Variants in CACNA1H observed in about 807,000 individuals in gnomAD.
CACNA1H encodes the protein calcium voltage-gated channel subunit alpha1 H.
CACNA1H carries 149 observed loss-of-function variants against 192.5 expected under a neutral mutation model. The ratio of observed to expected loss-of-function variants is 0.77; its 90% CI spans 0.68 to 0.89. The LOEUF (loss-of-function observed/expected upper bound fraction) is 0.89, where lower values mean the gene tolerates loss of function less well. Among genes scored for constraint, CACNA1H ranks in the 40% least tolerant of loss-of-function variants. CACNA1H has a pLI of 0.00. For synonymous variants in CACNA1H, 2,202 were observed against 1,475.2 expected (o/e 1.49, Z -11.29); for missense variants, 4,257 against 3,423.5 (o/e 1.24, Z -6.08).
chr16:1,175,749 C>T (rs891628456), intron 2 of CACNA1H, among the ~76,000 whole-genome samples: 9 of 152,170 alleles, frequency 5.9e-5, no homozygotes, highest in East Asian at 1.9e-4. Context: ...TTGAGGGCTG[C>T]GTAGGAGTGT....
At chr16:1,206,330 C>T in intron 12 of CACNA1H, 41 bp downstream of exon 12, 1 of 1,530,434 alleles carries the variant, frequency 6.5e-7, no homozygotes, top group South Asian at 1.2e-5. Context: ...GTGTCTCACC[C>T]CAGGGCAGCT....
At position 1,153,973 on chromosome 16, in the gene CACNA1H, T is replaced by C. The variant is rs1961923442; in HGVS notation, c.236T>C (p.Val79Ala). 2.1e-6 allele frequency: 3 copies of C among 1,446,584 alleles called. No homozygotes were observed. The highest frequency in any genetic ancestry group is 2.7e-6 in the Non-Finnish European group (3 of 1,099,634). 89.6% of individuals were successfully genotyped at this position (1,446,584 alleles called of 1,614,324 possible). The change falls in exon 2 of 35, where the codon GTC (valine) becomes GCC (alanine). Residue 79 changes from valine to alanine, a missense_variant. Transcript: ENST00000348261. ...RVPYPALAAT[V>A]FFCLGQTTRP... is the part of the protein sequence containing the mutation. ...CCGTACCCGGCCTTGGCGGCCACGG[T>C]CTTCTTCTGCCTCGGTCAGACCACG...
intron 10 of CACNA1H, 57 bp downstream of exon 10, chr16:1,204,515 A>G (rs1320475936): frequency 7.2e-7 from 1 of 1,385,022 alleles, no homozygotes; most frequent in East Asian, 2.3e-5. Context: ...GGGCCTGGGG[A>G]GTCTCAGGAG....
intron 31 of CACNA1H, among the ~76,000 whole-genome samples, 175 bp downstream of exon 31, chr16:1,217,185 C>T (rs565168569): frequency 3.9e-5 from 6 of 152,334 alleles, no homozygotes; most frequent in East Asian, 1.9e-4. Context: ...TGCACGAGGC[C>T]GAGTCTCGTG....
chr16:1,211,967 T>G lies in CACNA1H; in HGVS notation c.4588T>G (p.Trp1530Gly). The G allele has an allele frequency of 6.2e-7, 1 of 1,613,462 alleles. No individual in the cohort carries two copies. The highest frequency in any genetic ancestry group is 8.5e-7 in the Non-Finnish European group (1 of 1,179,668). Residue 1530 changes from tryptophan (W) to glycine (G), a missense_variant, in exon 25 of 35, where the codon TGG becomes GGG. Transcript: ENST00000348261. ...ACAGCCTGTGCAGAACCACAACCCC[T>G]GGATGCTGCTGTACTTCATCTCCTT... ...DQQPVQNHNP[W>G]MLLYFISFLL...
At chr16:1,161,396 C>T (rs563601373) in intron 2 of CACNA1H, among the ~76,000 whole-genome samples, 2 of 152,220 alleles carry the variant, frequency 1.3e-5, no homozygotes, top group Non-Finnish European at 2.9e-5. Context: ...TGGGCAGAGC[C>T]CCCTGGCCGG....
chr16:1,189,820 T>C (rs1966438232), intron 2 of CACNA1H, among the ~76,000 whole-genome samples: 1 of 152,146 alleles, frequency 6.6e-6, no homozygotes, highest in Non-Finnish European at 1.5e-5. Flanking sequence ...GAGGGGGTCT[T>C]CAGCCCTGTT....
At chr16:1,200,188 C>G (rs1296098611) in intron 6 of CACNA1H, 68 bp from the exon 7 acceptor site, 1 of 1,302,074 alleles carries the variant, frequency 7.7e-7, no homozygotes, top group African/African-American at 1.5e-5. Context: ...TGATCACAAT[C>G]GTGCCCCCGA....
At chr16:1,177,164 C>T (rs1964969949) in intron 2 of CACNA1H, among the ~76,000 whole-genome samples, 1 of 152,204 alleles carries the variant, frequency 6.6e-6, no homozygotes, top group Non-Finnish European at 1.5e-5. Flanking sequence ...TTACAAAGGA[C>T]ATCTCGGACT....
intron 2 of CACNA1H, among the ~76,000 whole-genome samples, chr16:1,161,754 T>G (rs1963222806): frequency 6.6e-6 from 1 of 152,222 alleles, no homozygotes; most frequent in East Asian, 1.9e-4. Flanking sequence ...GGGTGGCCAG[T>G]GCGGCGGCTG....
In CACNA1H at chr16:1,159,929, G is replaced by A. The variant is rs565039010; in HGVS notation, c.299+5893G>A. ...TGCATACTCCCCTCACCTCCCCCAAGGGCTGAGAGCCGAGGGCGATGCGGC... is the reference window on the plus strand; with the variant it reads ...TGCATACTCCCCTCACCTCCCCCAAAGGCTGAGAGCCGAGGGCGATGCGGC... On this transcript the variant is annotated intron_variant, in intron 2 of 34. Coordinates refer to ENST00000348261, the MANE Select transcript of CACNA1H (RefSeq NM_021098.3). 7 of 152,426 alleles carry A rather than the reference G, an allele frequency of 4.6e-5. 1 individual carries two copies. Among genetic ancestry groups the A allele is most frequent in the African/African-American group, 1.7e-4 (7 of 41,574 alleles). 9.4% of individuals were successfully genotyped at this position (152,426 alleles called of 1,614,324 possible). A position where few individuals can be genotyped will look rare whatever the true frequency, so the allele number is the denominator to read the frequency against.
chr16:1,219,891 G>GT, intron 34 of CACNA1H, 90 bp from the exon 35 acceptor site: 1 of 1,082,518 alleles, frequency 9.2e-7, no homozygotes, highest in South Asian at 4.3e-5. Context: ...GGCCTCTCCA[G>GT]TACCTGGATG....
rs970217598 is a variant in CACNA1H, at chr16:1,167,784, A to G, written c.299+13748A>G. ...CACACCCAGACACGGGAAACGGGAC[A>G]CCTGGAGCTGTGGCGCTGGTGTGTG... On this transcript the variant is annotated intron_variant, in intron 2 of 34. Coordinates refer to ENST00000348261, the MANE Select transcript of CACNA1H (RefSeq NM_021098.3). The surrounding 1 kb of genome is among the most constrained non-coding windows in gnomAD (Gnocchi z 4.2). 6.6e-6 allele frequency among the ~76,000 whole-genome samples: 1 copy of G among 152,140 alleles called. No homozygotes were observed. The highest frequency in any genetic ancestry group is 1.5e-5 in the Non-Finnish European group (1 of 68,010).
At chr16:1,154,716 C>T (rs1596274031) in intron 2 of CACNA1H, among the ~76,000 whole-genome samples, 1 of 152,202 alleles carries the variant, frequency 6.6e-6, no homozygotes, top group Non-Finnish European at 1.5e-5. Flanking sequence ...AGCCCCTTCC[C>T]TGGCTGGAGA....
At position 1,195,086 on chromosome 16, in the gene CACNA1H, G is replaced by GCTC; in HGVS notation, c.411+3_411+4insCTC. 2.5e-6 allele frequency: 4 copies of GCTC among 1,591,856 alleles called. No homozygotes were observed. Among genetic ancestry groups the GCTC allele is most frequent in the Non-Finnish European group, 3.4e-6 (4 of 1,162,902 alleles). ...CCGAGCGCTGCAACATCCTGGAGGTGAGGGGCGTGGGTCGGGGTGGGGAAG... is the reference window on the plus strand; with the variant it reads ...CCGAGCGCTGCAACATCCTGGAGGTGCTCAGGGGCGTGGGTCGGGGTGGGGAAG... On this transcript the variant is annotated splice_donor_region_variant and intron_variant, in intron 3 of 34. Coordinates refer to ENST00000348261, the MANE Select transcript of CACNA1H (RefSeq NM_021098.3).
chr16:1,196,802 A>G (rs554712127), intron 5 of CACNA1H, among the ~76,000 whole-genome samples: 1 of 152,200 alleles, frequency 6.6e-6, no homozygotes, highest in South Asian at 2.1e-4. Flanking sequence ...CGGGCCACCC[A>G]CCTGCATCAG....
rs1044602233 is a variant in CACNA1H, at chr16:1,200,529, C to T, written c.1077C>T (p.Ile359=). 3.1e-6 allele frequency: 5 copies of T among 1,612,320 alleles called. No homozygotes were observed. The South Asian group carries it at 3.3e-5, about 11-fold the overall frequency. The change falls in exon 7 of 35, where the codon ATC becomes ATT. Residue 359 remains isoleucine, a synonymous_variant. Transcript: ENST00000348261. ...ACTCCAACCCCCACAACGGTGCCAT[C>T]AACTTCGACAACATCGGCTACGCCT... ...SGDSNPHNGA[I]NFDNIGYAWI... is the part of the protein sequence containing the mutation.
intron 2 of CACNA1H, among the ~76,000 whole-genome samples, chr16:1,172,272 C>T (rs1035380850): frequency 6.6e-6 from 1 of 152,174 alleles, no homozygotes; most frequent in Admixed American, 6.5e-5. Flanking sequence ...TGGGGCTCCC[C>T]CCACAGTGCA....
intron 12 of CACNA1H, 135 bp downstream of exon 12, chr16:1,206,424 C>T (rs1306637392): frequency 7.8e-6 from 6 of 767,088 alleles, no homozygotes; most frequent in Non-Finnish European, 1.2e-5. Flanking sequence ...CACTCGGCCT[C>T]TGCTGCCTTC....
Sources: allele counts gnomAD v4.1 joint callset (sites outside exome capture counted in the v4.1 genomes callset), GRCh38; gene constraint gnomAD v4.1.1; non-coding constraint Gnocchi (gnomAD v3.1); transcripts MANE v1.5; gene names NCBI Gene and HGNC (gene_info 2026-07-23, HGNC 2026-07-21).